The following CFAP46 variants were observed in gnomAD, a reference collection of about 807,000 sequenced individuals.
CFAP46 encodes cilia and flagella associated protein 46.
In CFAP46, 245 loss-of-function variants were observed where a neutral mutation model predicts 325.7. The ratio of observed to expected loss-of-function variants is 0.75; its 90% CI spans 0.68 to 0.84. The LOEUF is 0.84. Among genes scored for constraint, CFAP46 ranks in the 40% least tolerant of loss-of-function variants. The probability of loss-of-function intolerance (pLI) is 0.00; values close to 1 mark genes in which losing one functional copy is unlikely to be tolerated. For synonymous variants in CFAP46, 1,523 were observed against 1,495.9 expected (o/e 1.02, Z -0.42); for missense variants, 3,346 against 3,543.0 (o/e 0.94, Z 1.41).
In CFAP46 at chr10:132,808,573, A is replaced by G. The variant is rs1304427830; in HGVS notation, c.7996T>C (p.Ser2666Pro). The G allele has an allele frequency of 1.9e-6, 3 of 1,612,732 alleles. No homozygotes were observed. The highest frequency in any genetic ancestry group is 2.5e-6 in the Non-Finnish European group (3 of 1,179,890). The part of the protein sequence containing the change: ...SRKAAAWTSS[S>P]ACLCAPWGLR... ...CCCCATGGCGCACACAGGCAGGCAG[A>G]GCTCGAGGTCCAGGCGGCTGCCTTG... Residue 2666 changes from serine (S) to proline (P), a missense_variant, in exon 58 of 58, where the codon TCT becomes CCT. Transcript: ENST00000368586. This position sits in a 1 kb window ranked among gnomAD's most constrained non-coding sequence, Gnocchi z 6.8.
chr10:132,876,346 C>T lies in CFAP46; in HGVS notation c.4362+466G>A, dbSNP rs966816178. Among the ~76,000 whole-genome samples the T allele has an allele frequency of 7.2e-5, 11 of 152,150 alleles. No individual in the cohort carries two copies. The highest frequency in any genetic ancestry group is 2.7e-4 in the African/African-American group (11 of 41,426). ...CTAAATGCAATTCTGTGGGAGGGAG[C>T]GGGAGATTTGATCCACACAAAAGAG... On this transcript the variant is annotated intron_variant, in intron 31 of 57. Coordinates refer to ENST00000368586, the MANE Select transcript of CFAP46 (RefSeq NM_001200049.3). This position sits in a 1 kb window ranked among gnomAD's most constrained non-coding sequence, Gnocchi z 4.1.
intron 27 of CFAP46, among the ~76,000 whole-genome samples, chr10:132,881,966 G>A (rs1237398824): frequency 6.6e-6 from 1 of 152,000 alleles, no homozygotes; most frequent in Non-Finnish European, 1.5e-5. Flanking sequence ...GTGGGATGTG[G>A]GGTGTGTGTG....
chr10:132,865,358 T>C (rs1475926664), intron 35 of CFAP46, among the ~76,000 whole-genome samples: 2 of 152,108 alleles, frequency 1.3e-5, no homozygotes, highest in African/African-American at 4.8e-5. Context: ...GGGCTTCCGG[T>C]GCTGAGGCTT....
At chr10:132,822,478 G>GA (rs1286339779) in intron 50 of CFAP46, among the ~76,000 whole-genome samples, 9 of 136,386 alleles carry the variant, frequency 6.6e-5, no homozygotes, top group East Asian at 2.4e-4. Context: ...GATGTGTGCT[G>GA]TGTGTGCTGT....
At position 132,879,428 on chromosome 10, in the gene CFAP46, G is replaced by A; in HGVS notation, c.4003C>T (p.Gln1335Ter). ...GGGGAGTCTGCGCTGGGCCTCACCT[G>A]CCAGATGTGCCTGAAGAAGGCGTAG... is the stretch of plus-strand genomic sequence containing the variant. ...AAYAFFRHIW[Q>*]VSLMTAGKSV... The change falls in exon 29 of 58, where the codon CAG becomes TAG. Residue 1335 changes from glutamine to a stop codon, truncating the protein, a stop_gained and splice_region_variant. Transcript: ENST00000368586. LOFTEE classifies it high-confidence loss of function. The A allele has an allele frequency of 1.3e-6, 2 of 1,515,322 alleles. No homozygotes were observed. Among genetic ancestry groups the A allele is most frequent in the African/African-American group, 1.4e-5 (1 of 72,404 alleles). 93.9% of individuals were successfully genotyped at this position (1,515,322 alleles called of 1,614,324 possible).
intron 50 of CFAP46, among the ~76,000 whole-genome samples, chr10:132,822,178 G>T (rs1476327148): frequency 2.1e-5 from 3 of 143,962 alleles, no homozygotes; most frequent in Admixed American, 2.0e-4. Context: ...GTGCTGATGT[G>T]TGCTGATGTG....
intron 23 of CFAP46, 64 bp from the exon 24 acceptor site, chr10:132,899,185 G>T: frequency 6.7e-7 from 1 of 1,502,154 alleles, no homozygotes. Context: ...GCTGGACCAG[G>T]AGGGACAGGA....
At chr10:132,862,727 G>C (rs190214931) in intron 35 of CFAP46, among the ~76,000 whole-genome samples, 1 of 151,734 alleles carries the variant, frequency 6.6e-6, no homozygotes. Flanking sequence ...AGAGAGCCCC[G>C]CGGAGGAGAG....
intron 4 of CFAP46, among the ~76,000 whole-genome samples, chr10:132,940,058 C>G (rs138633044): frequency 6.6e-6 from 1 of 152,114 alleles, no homozygotes; most frequent in African/African-American, 2.4e-5. Flanking sequence ...CGTCACAGCA[C>G]CCTTGGAAAT....
intron 23 of CFAP46, 124 bp downstream of exon 23, chr10:132,899,411 A>C (rs1384352017): frequency 7.5e-7 from 1 of 1,342,098 alleles, no homozygotes; most frequent in African/African-American, 1.5e-5. Context: ...CGCACCGGCC[A>C]CCTCCCCTCG....
chr10:132,822,020 G>C (rs1847855314), intron 50 of CFAP46, among the ~76,000 whole-genome samples: 1 of 143,516 alleles, frequency 7.0e-6, no homozygotes, highest in Admixed American at 6.8e-5. Context: ...GCTGATGTGT[G>C]CTGTGTGAGT....
intron 16 of CFAP46, among the ~76,000 whole-genome samples, chr10:132,917,523 C>T (rs76162338): frequency 5.9e-5 from 9 of 152,246 alleles, no homozygotes; most frequent in South Asian, 2.1e-4. Flanking sequence ...CTGGACATCA[C>T]GCCACATTCA....
intron 27 of CFAP46, 60 bp downstream of exon 27, chr10:132,885,043 G>A (rs997218916): frequency 1.3e-6 from 2 of 1,488,522 alleles, no homozygotes; most frequent in African/African-American, 1.4e-5. Flanking sequence ...TGTCCACACG[G>A]TTCTCCCTTT....
At chr10:132,815,621 C>T (rs1264273575) in intron 50 of CFAP46, among the ~76,000 whole-genome samples, 1 of 152,152 alleles carries the variant, frequency 6.6e-6, no homozygotes, top group African/African-American at 2.4e-5. Context: ...GACATCTGTA[C>T]GTTTTAAGGT....
chr10:132,823,082 CTGA>C (rs1278479358), intron 50 of CFAP46, among the ~76,000 whole-genome samples: 7 of 117,804 alleles, frequency 5.9e-5, no homozygotes, highest in South Asian at 3.1e-4. Flanking sequence ...GCTGTGTGTG[CTGA>C]TGTGTGCTTT....
chr10:132,915,677 A>G (rs1284424480), intron 17 of CFAP46, among the ~76,000 whole-genome samples: 1 of 151,956 alleles, frequency 6.6e-6, no homozygotes. Flanking sequence ...ATAGTCGGGG[A>G]CACCCGAGCT....
At chr10:132,812,407 G>T (rs965253612) in intron 55 of CFAP46, among the ~76,000 whole-genome samples, 2 of 152,196 alleles carry the variant, frequency 1.3e-5, no homozygotes, top group Non-Finnish European at 2.9e-5. Context: ...TAAACTAGAG[G>T]CCCTGAGGGA....
chr10:132,925,755 G>A (rs904418268), intron 10 of CFAP46, among the ~76,000 whole-genome samples: 8 of 152,252 alleles, frequency 5.3e-5, no homozygotes, highest in Non-Finnish European at 8.8e-5. Context: ...GCTGTGACAC[G>A]TGTGCCAGGC....
intron 7 of CFAP46, 138 bp downstream of exon 7, chr10:132,936,823 A>G (rs149774111): frequency 1.4e-4 from 63 of 441,108 alleles, no homozygotes; most frequent in African/African-American, 1.0e-3. Context: ...CCAGGCTCCT[A>G]TTCTCCAGCC....
Sources: gnomAD v4.1 joint callset for allele counts (sites outside exome capture counted in the v4.1 genomes callset) on GRCh38, gnomAD v4.1.1 for gene constraint, Gnocchi (gnomAD v3.1) non-coding constraint, MANE v1.5 for transcripts, NCBI Gene and HGNC (gene_info 2026-07-23, HGNC 2026-07-21) for gene names.